The following CD226 variants were observed in gnomAD, a reference collection of about 807,000 sequenced individuals.
The protein encoded by CD226 is CD226 antigen.
Under a neutral mutation model 34.9 loss-of-function variants are expected in CD226, and 24 were observed. The ratio of observed to expected loss-of-function variants is 0.69; its 90% confidence interval spans 0.50 to 0.97. The LOEUF is 0.97. CD226 is among the 50% of genes least tolerant of loss of function. CD226 has a pLI of 0.00. For missense variants in CD226, 397 were observed against 412.7 expected, an observed-to-expected ratio of 0.96 and a Z score of 0.33; for synonymous variants, 148 against 147.4, an observed-to-expected ratio of 1.00 and a Z score of -0.03.
chr18:69,925,543 G>A (rs2055510381), intron 2 of CD226, among the ~76,000 whole-genome samples: 1 of 151,880 alleles, frequency 6.6e-6, no homozygotes, highest in African/African-American at 2.4e-5. Context: ...CAGAAACTGG[G>A]TATCCTTCTT....
intron 2 of CD226, among the ~76,000 whole-genome samples, chr18:69,930,770 G>C (rs911742583): frequency 6.6e-6 from 1 of 152,160 alleles, no homozygotes; most frequent in Non-Finnish European, 1.5e-5. Context: ...GTCCTCATGT[G>C]GATTTATAGC....
intron 2 of CD226, among the ~76,000 whole-genome samples, chr18:69,932,057 C>G (rs939759405): frequency 9.9e-5 from 15 of 152,108 alleles, no homozygotes; most frequent in African/African-American, 3.4e-4. Context: ...TGGATTAGAT[C>G]CCACCCTAAT....
chr18:69,946,777 G>A lies in CD226; in HGVS notation c.339C>T (p.Tyr113=), dbSNP rs773692544. 1.2e-6 allele frequency: 2 copies of A among 1,613,848 alleles called. No individual in the cohort carries two copies. The highest frequency in any genetic ancestry group is 4.5e-5 in the East Asian group (2 of 44,892). The change falls in exon 2 of 6, where the codon TAC becomes TAT. Residue 113 remains tyrosine (Y), a synonymous_variant. Transcript: ENST00000582621. Reference sequence around the variant, plus strand: ...TCACCTTCTGCCAAGTTCCCTGTGGGTAAGTGTAAAGAGAGCAGGAATAGT... The same window carrying A: ...TCACCTTCTGCCAAGTTCCCTGTGGATAAGTGTAAAGAGAGCAGGAATAGT... ...VGYYSCSLYT[Y]PQGTWQKVIQ... is the part of the protein sequence containing the mutation.
rs533614723 is a variant in CD226 at position 69,853,740 on chromosome 18, T to C, written c.*10574A>G. ...CTTGACATGTTATCTCCTTGTGGCT[T>C]GTGCTACAAATTTTCCTTATTACCT... On this transcript the variant is annotated 3_prime_UTR_variant, in exon 6 of 6. Transcript: ENST00000582621. 1 of 152,354 alleles carries C rather than the reference T, an allele frequency of 6.6e-6. No homozygotes were observed. The highest frequency in any genetic ancestry group is 2.4e-5 in the African/African-American group (1 of 41,582). 9.4% of individuals were successfully genotyped at this position (152,354 alleles called of 1,614,324 possible). A position where few individuals can be genotyped will look rare whatever the true frequency, so the allele number is the denominator to read the frequency against.
intron 3 of CD226, among the ~76,000 whole-genome samples, chr18:69,873,997 A>G (rs188834527): frequency 6.6e-6 from 1 of 152,222 alleles, no homozygotes; most frequent in East Asian, 1.9e-4. Flanking sequence ...GATATTTTCT[A>G]TTCAATTTGG....
rs557308372 is a variant in CD226 at position 69,900,588 on chromosome 18, C to T, written c.383-4543G>A. Reference sequence around the variant, plus strand: ...TCTACTAAAAATACAAAAAATTAGCCGGGCGCGGTGGCGGGCGCCTGTAGT... The same window carrying T: ...TCTACTAAAAATACAAAAAATTAGCTGGGCGCGGTGGCGGGCGCCTGTAGT... On this transcript the variant is annotated intron_variant, in intron 2 of 5. Coordinates refer to ENST00000582621, the MANE Select transcript of CD226 (RefSeq NM_001303618.2). 2.1e-4 allele frequency among the ~76,000 whole-genome samples: 32 copies of T among 150,842 alleles called. No individual in the cohort carries two copies. In the East Asian group the frequency reaches 3.9e-3, roughly 18 times the overall value.
At position 69,946,866 on chromosome 18, in the gene CD226, A is replaced by G. The variant is rs761566942; in HGVS notation, c.250T>C (p.Ser84Pro). ...PYAERVYFLNSTMASNNMTLF... is the reference protein window; with the variant it reads ...PYAERVYFLNPTMASNNMTLF... Reference sequence around the variant, plus strand: ...GTCATGTTATTGGAAGCCATCGTTGAATTCAAAAAGTAAACCCTCTCAGCA... The same window carrying G: ...GTCATGTTATTGGAAGCCATCGTTGGATTCAAAAAGTAAACCCTCTCAGCA... Residue 84 changes from serine to proline, a missense_variant, in exon 2 of 6, where the codon TCA becomes CCA. Transcript: ENST00000582621. 6.2e-7 allele frequency: 1 copy of G among 1,614,198 alleles called. No individual in the cohort carries two copies. The highest frequency in any genetic ancestry group is 8.5e-7 in the Non-Finnish European group (1 of 1,180,026).
upstream of CD226, among the ~76,000 whole-genome samples, chr18:69,948,906 A>G (rs966598675): frequency 4.6e-5 from 7 of 152,222 alleles, no homozygotes; most frequent in African/African-American, 1.7e-4. Context: ...ATTGTAGCAA[A>G]ACATGATCAT....
At chr18:69,915,571 TA>T (rs2055375769) in intron 2 of CD226, among the ~76,000 whole-genome samples, 1 of 152,214 alleles carries the variant, frequency 6.6e-6, no homozygotes, top group Non-Finnish European at 1.5e-5. Flanking sequence ...CGCCATTTTT[TA>T]AATGCGGAAA....
chr18:69,953,061 A>G (rs568565757), intron 1 of CD226, among the ~76,000 whole-genome samples: 6 of 152,350 alleles, frequency 3.9e-5, no homozygotes, highest in African/African-American at 1.4e-4. Context: ...AGAAAAATTA[A>G]TATGTTAGGG....
chr18:69,931,050 G>A (rs556618396), intron 2 of CD226, among the ~76,000 whole-genome samples: 3 of 152,258 alleles, frequency 2.0e-5, no homozygotes, highest in Admixed American at 2.0e-4. Context: ...ATACTATGCA[G>A]CCATAAAAAA....
intron 2 of CD226, among the ~76,000 whole-genome samples, chr18:69,946,341 CAG>C (rs892583767): frequency 1.4e-4 from 21 of 151,928 alleles, no homozygotes; most frequent in African/African-American, 5.1e-4. Flanking sequence ...CTTGAACACA[CAG>C]GGGTTGATGT....
intron 5 of CD226, among the ~76,000 whole-genome samples, chr18:69,865,001 T>C (rs1254952931): frequency 6.6e-6 from 1 of 152,134 alleles, no homozygotes; most frequent in Non-Finnish European, 1.5e-5. Flanking sequence ...TTAGTGTTGT[T>C]GGTTTTTTTG....
upstream of CD226, among the ~76,000 whole-genome samples, chr18:69,950,318 G>A (rs1035202071): frequency 7.2e-5 from 11 of 152,126 alleles, no homozygotes; most frequent in East Asian, 3.8e-4. Context: ...CAGAGTGTAC[G>A]GCCAAAGTCT....
chr18:69,943,704 C>G (rs367707487), intron 2 of CD226, among the ~76,000 whole-genome samples: 2 of 152,136 alleles, frequency 1.3e-5, no homozygotes, highest in African/African-American at 4.8e-5. Flanking sequence ...CTGGGACATA[C>G]GTGAAACTTA....
rs34794968 is a variant in CD226, at chr18:69,863,790, C to A, written c.*524G>T. On this transcript the variant is annotated 3_prime_UTR_variant, in exon 6 of 6. Transcript: ENST00000582621. Reference sequence around the variant, plus strand: ...GTTTACTTAAGCCATTCCATCCTTTCTGGTCATGTTGCCTATTTAACAATG... The same window carrying A: ...GTTTACTTAAGCCATTCCATCCTTTATGGTCATGTTGCCTATTTAACAATG... 0.36 allele frequency: 54,514 copies of A among 152,456 alleles called. 10,044 individuals are homozygous for A. The highest frequency in any genetic ancestry group is 0.48 in the Middle Eastern group (141 of 294). The allele number at this position is 152,456 out of a possible 1,614,324, so 9.4% of individuals were successfully genotyped here.
chr18:69,889,180 A>G (rs1174415633), intron 3 of CD226, among the ~76,000 whole-genome samples: 1 of 152,072 alleles, frequency 6.6e-6, no homozygotes, highest in African/African-American at 2.4e-5. Flanking sequence ...TTCACCGAGA[A>G]AACTAAATTG....
At chr18:69,919,406 A>T (rs908246496) in intron 2 of CD226, among the ~76,000 whole-genome samples, 1 of 152,216 alleles carries the variant, frequency 6.6e-6, no homozygotes, top group African/African-American at 2.4e-5. Flanking sequence ...TTGTCAAAAG[A>T]AGTCTTGAAC....
At chr18:69,912,171 A>T (rs1284702589) in intron 2 of CD226, among the ~76,000 whole-genome samples, 10 of 152,200 alleles carry the variant, frequency 6.6e-5, no homozygotes, top group African/African-American at 2.4e-4. Context: ...AAAGACTTAA[A>T]TGTTAGACCT....
Sources: allele counts gnomAD v4.1 joint callset (sites outside exome capture counted in the v4.1 genomes callset), GRCh38; gene constraint gnomAD v4.1.1; transcripts MANE v1.5; gene names NCBI Gene and HGNC (gene_info 2026-07-23, HGNC 2026-07-21).